Variants in LYPLAL1 observed in about 807,000 individuals in gnomAD.
The protein encoded by LYPLAL1 is lysophospholipase-like protein 1.
A neutral mutation model predicts 19.7 loss-of-function variants in LYPLAL1; 23 were observed. That is an observed-to-expected ratio of 1.17 (90% CI 0.84 to 1.65). The LOEUF (loss-of-function observed/expected upper bound fraction) is 1.65. Ranked by LOEUF, LYPLAL1 falls within the 40% of genes most tolerant of loss-of-function variation. The pLI is 0.00. For synonymous variants in LYPLAL1, 119 were observed against 96.3 expected, an observed-to-expected ratio of 1.24 and a Z score of -1.38; for missense variants, 355 against 279.4, an observed-to-expected ratio of 1.27 and a Z score of -1.93.
chr1:219,376,599 C>G, the LYPLAL1 span, among the ~76,000 whole-genome samples: 1 of 152,092 alleles, frequency 6.6e-6, no homozygotes, highest in East Asian at 1.9e-4. Flanking sequence ...TGTAAAGAAC[C>G]CCTAAAACCC....
chr1:219,306,614 C>T, the LYPLAL1 span, among the ~76,000 whole-genome samples: 4 of 151,854 alleles, frequency 2.6e-5, no homozygotes, highest in African/African-American at 9.7e-5. Flanking sequence ...TAGACTTGGA[C>T]TGGAGTTACA....
the LYPLAL1 span, among the ~76,000 whole-genome samples, chr1:219,393,900 CT>C: frequency 6.6e-6 from 1 of 151,418 alleles, no homozygotes; most frequent in Non-Finnish European, 1.5e-5. Context: ...CTAGTAAATA[CT>C]GATTCACATG....
At chr1:219,185,867 A>C (rs1291349242) in intron 2 of LYPLAL1, among the ~76,000 whole-genome samples, 1 of 151,958 alleles carries the variant, frequency 6.6e-6, no homozygotes, top group Non-Finnish European at 1.5e-5. Flanking sequence ...ACCAGACCTA[A>C]AGACTTAGTG....
At chr1:219,226,702 A>T in the LYPLAL1 span, among the ~76,000 whole-genome samples, 2 of 152,202 alleles carry the variant, frequency 1.3e-5, no homozygotes, top group African/African-American at 4.8e-5. Flanking sequence ...TGTGCAATAG[A>T]TATTCAACAG....
chr1:219,343,334 G>T, the LYPLAL1 span, among the ~76,000 whole-genome samples: 1 of 152,134 alleles, frequency 6.6e-6, no homozygotes. Flanking sequence ...AATTCTAAAT[G>T]CCTCAAAACT....
the LYPLAL1 span, among the ~76,000 whole-genome samples, chr1:219,262,844 A>G: frequency 3.3e-5 from 5 of 152,232 alleles, no homozygotes; most frequent in African/African-American, 1.2e-4. Flanking sequence ...TCACATGGAC[A>G]GAGTCAGGAC....
the LYPLAL1 span, among the ~76,000 whole-genome samples, chr1:219,425,406 A>G: frequency 6.6e-6 from 1 of 152,212 alleles, no homozygotes; most frequent in South Asian, 2.1e-4. Context: ...CTTTGATTCA[A>G]AATATAAGCA....
the LYPLAL1 span, among the ~76,000 whole-genome samples, chr1:219,411,506 C>T: frequency 2.6e-5 from 4 of 152,210 alleles, no homozygotes; most frequent in East Asian, 3.9e-4. Flanking sequence ...CACCAATAAG[C>T]GCCCTGACAA....
the LYPLAL1 span, chr1:219,273,368 A>G: frequency 6.6e-6 from 1 of 152,226 alleles, no homozygotes; most frequent in Non-Finnish European, 1.5e-5. Context: ...TTTCTCAATA[A>G]ACTTCATTCA....
At chr1:219,335,367 G>A in the LYPLAL1 span, among the ~76,000 whole-genome samples, 3 of 151,716 alleles carry the variant, frequency 2.0e-5, no homozygotes, top group Non-Finnish European at 4.4e-5. Context: ...CTTCAAAAAG[G>A]CATCATATTC....
chr1:219,292,694 A>G, the LYPLAL1 span, among the ~76,000 whole-genome samples: 4 of 152,352 alleles, frequency 2.6e-5, no homozygotes, highest in East Asian at 5.8e-4. Flanking sequence ...CTTTAGATGT[A>G]CTACATACTG....
the LYPLAL1 span, among the ~76,000 whole-genome samples, chr1:219,317,441 G>T: frequency 6.6e-6 from 1 of 152,006 alleles, no homozygotes; most frequent in Non-Finnish European, 1.5e-5. Flanking sequence ...GAGGTACAGG[G>T]AAGTCACTTC....
the LYPLAL1 span, among the ~76,000 whole-genome samples, chr1:219,346,464 T>TG: frequency 0.017 from 2,464 of 143,286 alleles, 28 homozygotes; most frequent in Middle Eastern, 0.031. Context: ...ATTTCTATTT[T>TG]TTTTTTTTTT....
chr1:219,359,296 T>C, the LYPLAL1 span, among the ~76,000 whole-genome samples: 1 of 152,338 alleles, frequency 6.6e-6, no homozygotes, highest in South Asian at 2.1e-4. Context: ...ACTTCAGTGT[T>C]CAACTCTTAA....
At chr1:219,229,329 GAGAGAGA>G in the LYPLAL1 span, among the ~76,000 whole-genome samples, 1 of 113,354 alleles carries the variant, frequency 8.8e-6, no homozygotes, top group African/African-American at 3.1e-5. Flanking sequence ...GAGAGAGAGA[GAGAGAGA>G]GACACGCAGG....
chr1:219,310,555 C>T, the LYPLAL1 span, among the ~76,000 whole-genome samples: 1 of 152,182 alleles, frequency 6.6e-6, no homozygotes, highest in African/African-American at 2.4e-5. Context: ...TTGGAGCCTG[C>T]CCTTATCTCA....
the LYPLAL1 span, among the ~76,000 whole-genome samples, chr1:219,364,304 G>C: frequency 6.6e-6 from 1 of 152,112 alleles, no homozygotes; most frequent in African/African-American, 2.4e-5. Context: ...CGAGTGAGTT[G>C]AGTGTTCTGT....
chr1:219,200,771 ATAT>A (rs1658033557), intron 3 of LYPLAL1, among the ~76,000 whole-genome samples: 1 of 152,198 alleles, frequency 6.6e-6, no homozygotes, highest in Admixed American at 6.5e-5. Flanking sequence ...ATTATAGAAG[ATAT>A]TATAAAGAAG....
the LYPLAL1 span, among the ~76,000 whole-genome samples, chr1:219,407,209 A>C: frequency 7.2e-5 from 11 of 152,220 alleles, no homozygotes; most frequent in Admixed American, 2.6e-4. Flanking sequence ...GAGGGAGGCT[A>C]GGAAAACAAA....
Sources: gnomAD v4.1 joint callset for allele counts (sites outside exome capture counted in the v4.1 genomes callset) on GRCh38, gnomAD v4.1.1 for gene constraint, MANE v1.5 for transcripts, NCBI Gene and HGNC (gene_info 2026-07-23, HGNC 2026-07-21) for gene names.